DLC1: variants seen among roughly 807,000 people sequenced by gnomAD.
DLC1 encodes the protein DLC1 Rho GTPase activating protein.
In DLC1, 54 loss-of-function variants were observed where a neutral mutation model predicts 140.3. The observed-to-expected ratio is 0.38, with a 90% CI of 0.31 to 0.48. The LOEUF is 0.48. Among genes scored for constraint, DLC1 ranks in the 20% least tolerant of loss-of-function variants. The pLI is 0.96. For synonymous variants in DLC1, 986 were observed against 728.1 expected, an observed-to-expected ratio of 1.35 and a Z score of -5.70; for missense variants, 2,536 against 1,907.0, an observed-to-expected ratio of 1.33 and a Z score of -6.14.
intron 4 of DLC1, among the ~76,000 whole-genome samples, chr8:13,365,948 G>T (rs777265298): frequency 2.0e-5 from 3 of 152,214 alleles, no homozygotes; most frequent in Middle Eastern, 6.8e-3. Flanking sequence ...TTCATCTTCC[G>T]CAAAGAGAGG....
At chr8:13,241,577 G>A (rs552469115) in intron 5 of DLC1, among the ~76,000 whole-genome samples, 3 of 152,262 alleles carry the variant, frequency 2.0e-5, no homozygotes, top group Non-Finnish European at 4.4e-5. Flanking sequence ...CGGAGGAAAT[G>A]TATGAAAAGC....
chr8:13,401,414 A>T lies in DLC1; in HGVS notation c.1173+56T>A, dbSNP rs1837289989. 3 of 1,594,598 alleles carry T rather than the reference A, an allele frequency of 1.9e-6. No individual in the cohort carries two copies. The East Asian group carries it at 6.7e-5, about 36-fold the overall frequency. Reference sequence around the variant, plus strand: ...ATGTTGCCTTTGCAAGAGGGACTGTATAAGGTCAAGAGTTACGACTCCTAT... The same window carrying T: ...ATGTTGCCTTTGCAAGAGGGACTGTTTAAGGTCAAGAGTTACGACTCCTAT... On this transcript the variant is annotated intron_variant, in intron 3 of 17. Coordinates refer to ENST00000276297, the MANE Select transcript of DLC1 (RefSeq NM_182643.3).
chr8:13,170,818 G>A (rs1013885241), intron 5 of DLC1, among the ~76,000 whole-genome samples: 2 of 151,786 alleles, frequency 1.3e-5, no homozygotes, highest in African/African-American at 4.8e-5. Flanking sequence ...AATGCTAGAA[G>A]AATAGAGTCA....
At chr8:13,111,383 G>C (rs997018017) in intron 6 of DLC1, among the ~76,000 whole-genome samples, 1 of 152,170 alleles carries the variant, frequency 6.6e-6, no homozygotes, top group Admixed American at 6.5e-5. Flanking sequence ...ATATGGCCTT[G>C]CAGGAATTGA....
rs375663152 is a variant in DLC1, at chr8:13,085,908, G to T, written c.4490C>A (p.Thr1497Lys). 1 of 1,614,116 alleles carries T rather than the reference G, an allele frequency of 6.2e-7. No homozygotes were observed. Among genetic ancestry groups the T allele is most frequent in the Non-Finnish European group, 8.5e-7 (1 of 1,180,024 alleles). Residue 1497 changes from threonine to lysine, a missense_variant, in exon 18 of 18, where the codon ACA becomes AAA. Thr to Lys is a moderately conservative substitution (Grantham distance 78, BLOSUM62 -1). Transcript: ENST00000276297. ...DLRGHMPEWY[T>K]KSFGHLCAAE... ...TGCACACAAATGTCCAAAAGATTTT[G>T]TGTACCATTCTGGCATGTGGCCCCT...
At chr8:13,113,552 C>T (rs1820292936) in intron 6 of DLC1, among the ~76,000 whole-genome samples, 1 of 152,166 alleles carries the variant, frequency 6.6e-6, no homozygotes, top group Non-Finnish European at 1.5e-5. Flanking sequence ...TACCTGGCAG[C>T]AAATCAATGC....
intron 5 of DLC1, among the ~76,000 whole-genome samples, chr8:13,205,012 C>G (rs1827583244): frequency 6.6e-6 from 1 of 151,986 alleles, no homozygotes; most frequent in Non-Finnish European, 1.5e-5. Context: ...TGAATTTGGC[C>G]AGTCTTGCAA....
chr8:13,578,653 A>T (rs1804933280), intron 1 of DLC1, among the ~76,000 whole-genome samples: 1 of 152,210 alleles, frequency 6.6e-6, no homozygotes, highest in African/African-American at 2.4e-5. Flanking sequence ...AGCAGCTCAC[A>T]GAGCTTAGAG....
intron 5 of DLC1, among the ~76,000 whole-genome samples, chr8:13,221,268 C>G (rs1453402005): frequency 1.3e-5 from 2 of 152,226 alleles, no homozygotes; most frequent in Middle Eastern, 3.4e-3. Flanking sequence ...ATAGAGACAT[C>G]TAGATTGGGA....
chr8:13,596,458 T>A lies in DLC1; in HGVS notation c.-126+8079A>T, dbSNP rs970818163. 2.0e-5 allele frequency among the ~76,000 whole-genome samples: 3 copies of A among 151,996 alleles called. No homozygotes were observed. The East Asian group carries it at 5.8e-4, about 29-fold the overall frequency. ...GAACTTTTCCAATCCTGTTTGTGAA[T>A]TTTGAAAATCAGATTCCTTAGAGGC... On this transcript the variant is annotated intron_variant, in intron 1 of 1. Transcript: ENST00000631382.
intron 5 of DLC1, among the ~76,000 whole-genome samples, chr8:13,149,641 G>A (rs1028093053): frequency 3.9e-5 from 6 of 152,022 alleles, no homozygotes; most frequent in African/African-American, 9.7e-5. Context: ...TATTTTTCAC[G>A]TTCTCTTTTA....
chr8:13,234,253 G>A (rs899927350), intron 5 of DLC1, among the ~76,000 whole-genome samples: 1 of 152,030 alleles, frequency 6.6e-6, no homozygotes, highest in Non-Finnish European at 1.5e-5. Context: ...TAGATCTTTG[G>A]ATCATGCTGT....
intron 2 of DLC1, among the ~76,000 whole-genome samples, chr8:13,418,846 G>A (rs986612661): frequency 2.0e-5 from 3 of 152,128 alleles, no homozygotes; most frequent in African/African-American, 7.2e-5. Context: ...CTACCCATGA[G>A]CATGGAATTT....
At chr8:13,306,741 A>G (rs1832453832) in intron 4 of DLC1, among the ~76,000 whole-genome samples, 1 of 151,974 alleles carries the variant, frequency 6.6e-6, no homozygotes, top group Admixed American at 6.6e-5. Flanking sequence ...GATTTAGGGG[A>G]TTTTGTGATT....
intron 4 of DLC1, among the ~76,000 whole-genome samples, chr8:13,372,265 A>T (rs570107132): frequency 3.5e-4 from 53 of 152,294 alleles, no homozygotes; most frequent in Non-Finnish European, 5.9e-4. Context: ...GTCTCAGAAA[A>T]TCACGAGCCA....
chr8:13,496,990 C>G (rs1316364217), intron 2 of DLC1, among the ~76,000 whole-genome samples: 1 of 151,604 alleles, frequency 6.6e-6, no homozygotes. Context: ...TTAGTAGAGA[C>G]AGGGTTTCAC....
chr8:13,362,449 T>C (rs1835274075), intron 4 of DLC1, among the ~76,000 whole-genome samples: 1 of 152,130 alleles, frequency 6.6e-6, no homozygotes, highest in Non-Finnish European at 1.5e-5. Flanking sequence ...TGCCCAATAG[T>C]GGAATGATTT....
intron 4 of DLC1, among the ~76,000 whole-genome samples, chr8:13,316,787 C>A: frequency 6.6e-6 from 1 of 152,150 alleles, no homozygotes; most frequent in East Asian, 1.9e-4. Flanking sequence ...ATCAGCTCAG[C>A]CACTACTAAC....
intron 5 of DLC1, among the ~76,000 whole-genome samples, chr8:13,117,950 C>T (rs544912252): frequency 6.6e-6 from 1 of 151,542 alleles, no homozygotes; most frequent in Admixed American, 6.6e-5. Flanking sequence ...TATTTAAGGT[C>T]CCATGTGATT....
Sources: allele counts gnomAD v4.1 joint callset (sites outside exome capture counted in the v4.1 genomes callset), GRCh38; gene constraint gnomAD v4.1.1; transcripts MANE v1.5; gene names NCBI Gene and HGNC (gene_info 2026-07-23, HGNC 2026-07-21).